OR2T11: variants seen among roughly 807,000 people sequenced by gnomAD.
OR2T11 encodes the protein olfactory receptor family 2 subfamily T member 11.
A neutral mutation model predicts 13.5 loss-of-function variants in OR2T11; 14 were observed. The ratio of observed to expected loss-of-function variants is 1.04; its 90% CI spans 0.69 to 1.62. OR2T11 has a LOEUF of 1.62. Among genes scored for constraint, OR2T11 ranks in the 40% most tolerant of loss-of-function variants. The probability of loss-of-function intolerance (pLI) is 0.00; values close to 1 mark genes in which losing one functional copy is unlikely to be tolerated. For missense variants in OR2T11, 410 were observed against 389.7 expected, an observed-to-expected ratio of 1.05 and a Z score of -0.44; for synonymous variants, 163 against 154.6, an observed-to-expected ratio of 1.05 and a Z score of -0.40.
Position 248,625,968 on chromosome 1 carries a change from A to G in OR2T11, c.*210T>C, listed in dbSNP as rs1479340817. 7.4e-5 allele frequency: 30 copies of G among 406,114 alleles called. No individual in the cohort carries two copies. The highest frequency in any genetic ancestry group is 6.2e-4 in the African/African-American group (27 of 43,736). 25.2% of individuals were successfully genotyped at this position (406,114 alleles called of 1,614,324 possible). On this transcript the variant is annotated 3_prime_UTR_variant, in exon 2 of 2. Transcript: ENST00000641193. ...AAGACTAGATAAATTATTTAACTTCATAATAAACCATTTTTGATACTTCAC... is the reference window on the plus strand; with the variant it reads ...AAGACTAGATAAATTATTTAACTTCGTAATAAACCATTTTTGATACTTCAC...
In OR2T11 at chr1:248,627,428, C is replaced by T. The variant is rs1317557800; in HGVS notation, c.-144-156G>A. On this transcript the variant is annotated intron_variant, in intron 1 of 1. Transcript: ENST00000641193. The stretch of plus-strand genomic sequence containing the variant: ...GTGATACAATTGCTGTATGCTACAC[C>T]AAGAATGGGGTTTTAACCATATCTG... 9.8e-5 allele frequency among the ~76,000 whole-genome samples: 14 copies of T among 142,986 alleles called. 3 individuals carry two copies. Among genetic ancestry groups the T allele is most frequent in the African/African-American group, 3.3e-4 (12 of 36,196 alleles). 93.8% of individuals were successfully genotyped at this position (142,986 alleles called of 152,430 possible). A position where few individuals can be genotyped will look rare whatever the true frequency, so the allele number is the denominator to read the frequency against.
At position 248,627,131 on chromosome 1, in the gene OR2T11, A is replaced by C. The variant is rs747229769; in HGVS notation, c.-3T>G. 2 of 1,494,476 alleles carry C rather than the reference A, an allele frequency of 1.3e-6. No individual in the cohort carries two copies. The highest frequency in any genetic ancestry group is 1.8e-6 in the Non-Finnish European group (2 of 1,089,478). 92.6% of individuals were successfully genotyped at this position (1,494,476 alleles called of 1,614,324 possible). A position where few individuals can be genotyped will look rare whatever the true frequency, so the allele number is the denominator to read the frequency against. ...TCAGAGGATGATGTGTTCGTCATTG[A>C]TATGGCCCACGAGCGTCCCAGGGCA... On this transcript the variant is annotated 5_prime_UTR_variant, in exon 2 of 2. Coordinates refer to ENST00000641193, the MANE Select transcript of OR2T11 (RefSeq NM_001001964.2).
intron 1 of OR2T11, among the ~76,000 whole-genome samples, chr1:248,632,460 A>AGTTGGGG (rs1373206438): frequency 7.4e-6 from 1 of 135,926 alleles, no homozygotes; most frequent in Non-Finnish European, 1.6e-5. Context: ...AGTTCCCTAA[A>AGTTGGGG]GTTGGGGGTT....
rs1660499169 is a variant in OR2T11 at position 248,625,341 on chromosome 1, T to A, written c.*837A>T. The A allele has an allele frequency of 7.0e-6, 1 of 143,844 alleles. No individual in the cohort carries two copies. Among genetic ancestry groups the A allele is most frequent in the African/African-American group, 2.7e-5 (1 of 36,556 alleles). The allele number at this position is 143,844 out of a possible 1,614,324, so 8.9% of individuals were successfully genotyped here. A position where few individuals can be genotyped will look rare whatever the true frequency, so the allele number is the denominator to read the frequency against. On this transcript the variant is annotated 3_prime_UTR_variant, in exon 2 of 2. Coordinates refer to ENST00000641193, the MANE Select transcript of OR2T11 (RefSeq NM_001001964.2). ...TGATGCTTTAAAAACGTGTCTGTTA[T>A]CATGTAACACCCGCATGGAAAACTC...
chr1:248,629,073 A>C (rs1262427331), intron 1 of OR2T11, among the ~76,000 whole-genome samples: 2 of 143,926 alleles, frequency 1.4e-5, no homozygotes, highest in African/African-American at 2.7e-5. Context: ...TCTCTTTGTC[A>C]TATTAAACAA....
rs924673126 is a variant in OR2T11, at chr1:248,628,318, C to G, written c.-144-1046G>C. 7.8e-5 allele frequency among the ~76,000 whole-genome samples: 11 copies of G among 141,486 alleles called. 2 individuals carry two copies. Among genetic ancestry groups the G allele is most frequent in the African/African-American group, 2.5e-4 (9 of 35,572 alleles). The allele number at this position is 141,486 out of a possible 152,430, so 92.8% of individuals were successfully genotyped here. A position where few individuals can be genotyped will look rare whatever the true frequency, so the allele number is the denominator to read the frequency against. ...CATACATGTAGTAAGAATCGCCCCC[C>G]TCTCCCCGCCAGCACCTCCTCCCCG... On this transcript the variant is annotated intron_variant, in intron 1 of 1. Transcript: ENST00000641193.
Position 248,633,427 on chromosome 1 carries a change from C to T in OR2T11, c.-145+1611G>A, listed in dbSNP as rs111992019. Among the ~76,000 whole-genome samples the T allele has an allele frequency of 2.8e-3, 391 of 141,802 alleles. 29 individuals are homozygous for T. The highest frequency in any genetic ancestry group is 1.0e-2 in the African/African-American group (357 of 35,810). 93.0% of individuals were successfully genotyped at this position (141,802 alleles called of 152,430 possible). A position where few individuals can be genotyped will look rare whatever the true frequency, so the allele number is the denominator to read the frequency against. Reference sequence around the variant, plus strand: ...ACACAGCATGTATTATAATCTTGTTCTTAGAAATAATCAAAAAAGGTAAAG... The same window carrying T: ...ACACAGCATGTATTATAATCTTGTTTTTAGAAATAATCAAAAAAGGTAAAG... On this transcript the variant is annotated intron_variant, in intron 1 of 1. Coordinates refer to ENST00000641193, the MANE Select transcript of OR2T11 (RefSeq NM_001001964.2).
At chr1:248,629,407 A>G (rs1660573267) in intron 1 of OR2T11, among the ~76,000 whole-genome samples, 1 of 35,678 alleles carries the variant, frequency 2.8e-5, no homozygotes, top group Non-Finnish European at 1.2e-4. Flanking sequence ...AAAGAAATGA[A>G]TAAGTAAAAC....
rs536304945 is a variant in OR2T11 at position 248,626,226 on chromosome 1, T to C, written c.903A>G (p.Val301=). ...NKDVIGAFKK[V]FACCSSAQKV... ...TCTGAGCAGATGAGCAACATGCAAA[T>C]ACCTTTTTAAATGCCCCTATGACGT... Residue 301 remains valine (V), a synonymous_variant, in exon 2 of 2, where the codon GTA becomes GTG. Coordinates refer to ENST00000641193, the MANE Select transcript of OR2T11 (RefSeq NM_001001964.2). 4.5e-6 allele frequency: 7 copies of C among 1,565,582 alleles called. 1 individual carries two copies. In the East Asian group the frequency reaches 1.6e-4, roughly 36 times the overall value.
chr1:248,630,445 T>C (rs2211638), intron 1 of OR2T11, among the ~76,000 whole-genome samples: 134,162 of 141,706 alleles, frequency 0.95, 64,921 homozygotes, highest in East Asian at 1. Context: ...AGGAGGGACT[T>C]GCCACTTCTT....
chr1:248,634,165 C>T lies in OR2T11; in HGVS notation c.-145+873G>A, dbSNP rs1302944642. ...CTAAGCCTTCTAAAGTGAAAGTTTT[C>T]ATTCGTTTATTACACTAGTATTTAT... On this transcript the variant is annotated intron_variant, in intron 1 of 1. Coordinates refer to ENST00000641193, the MANE Select transcript of OR2T11 (RefSeq NM_001001964.2). Among the ~76,000 whole-genome samples, 30 of 142,164 alleles carry T rather than the reference C, an allele frequency of 2.1e-4. 8 individuals are homozygous for T. The highest frequency in any genetic ancestry group is 8.4e-4 in the African/African-American group (30 of 35,858). The allele number at this position is 142,164 out of a possible 152,430, so 93.3% of individuals were successfully genotyped here.
At position 248,627,074 on chromosome 1, in the gene OR2T11, C is replaced by T; in HGVS notation, c.55G>A (p.Glu19Lys). The stretch of plus-strand genomic sequence containing the variant: ...ACTGTAAATACAATCCCGGCAGCCT[C>T]ACTGTTCACCAGAAGCCCCAGGAGG... ...FTLLGLLVNS[E>K]AAGIVFTVIL... The change falls in exon 2 of 2, where the codon GAG becomes AAG. Residue 19 changes from glutamate (E) to lysine (K), a missense_variant. Coordinates refer to ENST00000641193, the MANE Select transcript of OR2T11 (RefSeq NM_001001964.2). 6.4e-7 allele frequency: 1 copy of T among 1,570,258 alleles called. No homozygotes were observed. The highest frequency in any genetic ancestry group is 8.7e-7 in the Non-Finnish European group (1 of 1,155,102).
chr1:248,627,457 T>C (rs1030226387), intron 1 of OR2T11, among the ~76,000 whole-genome samples, 185 bp from the exon 2 acceptor site: 1 of 143,288 alleles, frequency 7.0e-6, no homozygotes, highest in African/African-American at 2.8e-5. Flanking sequence ...ATATCTGTTC[T>C]GTCCATGCTG....
At chr1:248,632,586 T>C (rs1277002894) in intron 1 of OR2T11, among the ~76,000 whole-genome samples, 1 of 134,444 alleles carries the variant, frequency 7.4e-6, no homozygotes, top group Admixed American at 7.4e-5. Context: ...GACTTCGTTA[T>C]TGAACTAAAC....
rs1320255226 is a variant in OR2T11 at position 248,626,782 on chromosome 1, G to A, written c.347C>T (p.Ala116Val). The change falls in exon 2 of 2, where the codon GCC becomes GTC. Residue 116 changes from alanine (A) to valine (V), a missense_variant. Transcript: ENST00000641193. ...ACAGACAGCCACGTAGCAGTCATAG[G>A]CCATGAGGCCCAGGAGGAAGAACTC... ...GSEFFLLGLM[A>V]YDCYVAVCNP... 2.5e-6 allele frequency: 4 copies of A among 1,569,352 alleles called. 1 individual carries two copies. The highest frequency in any genetic ancestry group is 2.3e-5 in the South Asian group (2 of 88,840).
rs1051594040 is a variant in OR2T11 at position 248,628,773 on chromosome 1, CCT to C, written c.-144-1503_-144-1502del. Among the ~76,000 whole-genome samples, 9 of 142,078 alleles carry C rather than the reference CCT, an allele frequency of 6.3e-5. 1 individual carries two copies. The highest frequency in any genetic ancestry group is 2.5e-4 in the African/African-American group (9 of 35,856). 93.2% of individuals were successfully genotyped at this position (142,078 alleles called of 152,430 possible). A position where few individuals can be genotyped will look rare whatever the true frequency, so the allele number is the denominator to read the frequency against. ...ATTAAATTGGCTTACTCCCAATTTC[CCT>C]CTGATTGATATATTCATATTACTGT... is the stretch of plus-strand genomic sequence containing the variant. On this transcript the variant is annotated intron_variant, in intron 1 of 1. Coordinates refer to ENST00000641193, the MANE Select transcript of OR2T11 (RefSeq NM_001001964.2).
rs1558173950 is a variant in OR2T11 at position 248,632,114 on chromosome 1, G to A, written c.-145+2924C>T. 3.5e-5 allele frequency among the ~76,000 whole-genome samples: 5 copies of A among 142,698 alleles called. 1 individual carries two copies. The highest frequency in any genetic ancestry group is 6.8e-5 in the Admixed American group (1 of 14,668). The allele number at this position is 142,698 out of a possible 152,430, so 93.6% of individuals were successfully genotyped here. A position where few individuals can be genotyped will look rare whatever the true frequency, so the allele number is the denominator to read the frequency against. On this transcript the variant is annotated intron_variant, in intron 1 of 1. Coordinates refer to ENST00000641193, the MANE Select transcript of OR2T11 (RefSeq NM_001001964.2). ...GTTATCACATGTACCCTAAGAAAAA[G>A]AAAAACAGAATGACCCTTGAAGAAT... is the stretch of plus-strand genomic sequence containing the variant.
At chr1:248,627,338 C>CAGA in intron 1 of OR2T11, 66 bp from the exon 2 acceptor site, 1 of 534,644 alleles carries the variant, frequency 1.9e-6, no homozygotes, top group African/African-American at 2.2e-5. Flanking sequence ...ATTTCCCTGT[C>CAGA]AGAGAACAGC....
rs768857583 is a variant in OR2T11, at chr1:248,626,742, G to GTA, written c.385_386dup (p.Pro130ThrfsTer4). ...ACTTCTTGCGGTTCATCAGGACTGG[G>GTA]TATCTCAGAGGGTTACAGACAGCCA... On this transcript the variant is annotated frameshift_variant, in exon 2 of 2. Transcript: ENST00000641193. LOFTEE classifies it high-confidence loss of function. 4 of 1,573,128 alleles carry GTA rather than the reference G, an allele frequency of 2.5e-6. 1 individual carries two copies. Among genetic ancestry groups the GTA allele is most frequent in the South Asian group, 1.1e-5 (1 of 88,914 alleles).
Sources: gnomAD v4.1 joint callset for allele counts (sites outside exome capture counted in the v4.1 genomes callset) on GRCh38, gnomAD v4.1.1 for gene constraint, MANE v1.5 for transcripts, NCBI Gene and HGNC (gene_info 2026-07-23, HGNC 2026-07-21) for gene names.